Variants in DAB2IP observed in about 807,000 individuals in gnomAD.
DAB2IP encodes disabled homolog 2-interacting protein.
DAB2IP carries 28 observed loss-of-function variants against 107.2 expected under a neutral mutation model. The ratio of observed to expected loss-of-function variants is 0.26; its 90% confidence interval spans 0.19 to 0.36. DAB2IP has a LOEUF of 0.36. Ranked by LOEUF, DAB2IP falls within the 10% of genes least tolerant of loss-of-function variation. The pLI is 1.00. For missense variants in DAB2IP, 1,400 were observed against 1,644.7 expected (o/e 0.85, Z 2.57); for synonymous variants, 755 against 706.4 (o/e 1.07, Z -1.09).
In DAB2IP at chr9:121,736,385, C is replaced by A. The variant is rs1831915682; in HGVS notation, c.363-20628C>A. On this transcript the variant is annotated intron_variant, in intron 3 of 15. Coordinates refer to ENST00000408936, the Ensembl canonical transcript of DAB2IP. The surrounding 1 kb of genome is among the most constrained non-coding windows in gnomAD (Gnocchi z 4.6). ...TGGGGAAGGAGTTGCAAGGCAGAGA[C>A]CCCCGAACCCCTGCTCCAGGGCCTG... Among the ~76,000 whole-genome samples, 1 of 151,770 alleles carries A rather than the reference C, an allele frequency of 6.6e-6. No individual in the cohort carries two copies. Among genetic ancestry groups the A allele is most frequent in the African/African-American group, 2.4e-5 (1 of 41,020 alleles).
chr9:121,626,639 G>A (rs1831657594), intron 1 of DAB2IP, among the ~76,000 whole-genome samples: 1 of 151,818 alleles, frequency 6.6e-6, no homozygotes. Flanking sequence ...GGCTAGGCTG[G>A]TCTCAAACTC....
chr9:121,783,145 C>T, exon 16 of DAB2IP: 1 of 681,202 alleles, frequency 1.5e-6, no homozygotes, highest in South Asian at 4.8e-5. Flanking sequence ...CCCCTCTGAA[C>T]CTGTCCCCAG....
intron 3 of DAB2IP, among the ~76,000 whole-genome samples, chr9:121,709,960 T>C (rs1830256143): frequency 6.6e-6 from 1 of 152,218 alleles, no homozygotes; most frequent in African/African-American, 2.4e-5. Context: ...CCCTGCTCTC[T>C]ACACTTCACT....
At chr9:121,745,400 A>T (rs1312645667) in intron 3 of DAB2IP, among the ~76,000 whole-genome samples, 1 of 152,150 alleles carries the variant, frequency 6.6e-6, no homozygotes. Flanking sequence ...CCTGTGGCTT[A>T]CTGAGAGCCA....
At chr9:121,603,992 G>A (rs1212056544) in intron 1 of DAB2IP, among the ~76,000 whole-genome samples, 1 of 152,130 alleles carries the variant, frequency 6.6e-6, no homozygotes, top group African/African-American at 2.4e-5. Context: ...GGGCAGTCCA[G>A]AGGGGGACAG....
Position 121,581,773 on chromosome 9 carries a change from C to T in DAB2IP, c.40+14545C>T, listed in dbSNP as rs370490842. ...CAAGGAGGCTGGGGTCTCTGCTCAC[C>T]TCAGCAGTCCCAGTAAAGTAGGCAG... On this transcript the variant is annotated intron_variant, in intron 1 of 16. Transcript: ENST00000259371. 1.2e-4 allele frequency among the ~76,000 whole-genome samples: 18 copies of T among 152,306 alleles called. No homozygotes were observed. The South Asian group carries it at 3.7e-3, about 32-fold the overall frequency.
intron 1 of DAB2IP, among the ~76,000 whole-genome samples, chr9:121,590,481 C>T (rs669128): frequency 0.61 from 91,988 of 151,776 alleles, 28,174 homozygotes; most frequent in Middle Eastern, 0.63. Context: ...ACAGATGGGG[C>T]TTGAGAACAG....
At chr9:121,709,365 A>G (rs1830221305) in intron 3 of DAB2IP, among the ~76,000 whole-genome samples, 1 of 151,770 alleles carries the variant, frequency 6.6e-6, no homozygotes, top group South Asian at 2.1e-4. Flanking sequence ...TGATAGCCCC[A>G]CCCACTGCCC....
At chr9:121,711,882 C>T (rs774915646) in intron 3 of DAB2IP, among the ~76,000 whole-genome samples, 16 of 152,096 alleles carry the variant, frequency 1.1e-4, no homozygotes, top group South Asian at 4.1e-4. Flanking sequence ...GGCTGGGTGG[C>T]GTCCATGTAC....
chr9:121,595,863 C>G (rs1055143612), intron 1 of DAB2IP, among the ~76,000 whole-genome samples: 1 of 152,112 alleles, frequency 6.6e-6, no homozygotes, highest in Non-Finnish European at 1.5e-5. Context: ...CCACCAGTCA[C>G]GTAGTTTGTG....
intron 1 of DAB2IP, among the ~76,000 whole-genome samples, chr9:121,577,398 G>A (rs1253894691): frequency 3.3e-5 from 5 of 152,236 alleles, no homozygotes; most frequent in Admixed American, 2.6e-4. Context: ...TACATTCCCA[G>A]GGCGCCTCTG....
rs899376832 is a variant in DAB2IP at position 121,776,809 on chromosome 9, C to T, written c.3314+418C>T. 6.6e-6 allele frequency among the ~76,000 whole-genome samples: 1 copy of T among 151,948 alleles called. No homozygotes were observed. Among genetic ancestry groups the T allele is most frequent in the African/African-American group, 2.4e-5 (1 of 41,348 alleles). ...TAGTAGATGAAGGTGGAAGACACAG[C>T]GTAGCCCCCAGATTCCTACCAAGAG... On this transcript the variant is annotated intron_variant, in intron 14 of 15. Coordinates refer to ENST00000408936, the Ensembl canonical transcript of DAB2IP. This position sits in a 1 kb window ranked among gnomAD's most constrained non-coding sequence, Gnocchi z 5.4.
intron 1 of DAB2IP, among the ~76,000 whole-genome samples, chr9:121,664,181 A>G (rs1466545866): frequency 6.6e-6 from 1 of 152,224 alleles, no homozygotes; most frequent in East Asian, 1.9e-4. Context: ...ACTGTTTTTG[A>G]AAATCAATTG....
At chr9:121,607,030 C>T (rs1245174671) in intron 1 of DAB2IP, among the ~76,000 whole-genome samples, 1 of 152,148 alleles carries the variant, frequency 6.6e-6, no homozygotes, top group Non-Finnish European at 1.5e-5. Context: ...CCACCTGGGC[C>T]TCCCAAAGTG....
exon 13 of DAB2IP, chr9:121,774,351 G>GCCCAGA: frequency 6.2e-7 from 1 of 1,613,170 alleles, no homozygotes. Flanking sequence ...GAGGGCCTGG[G>GCCCAGA]CCCAGACCCC....
intron 3 of DAB2IP, among the ~76,000 whole-genome samples, chr9:121,728,824 G>T (rs1264383918): frequency 6.6e-6 from 1 of 151,772 alleles, no homozygotes; most frequent in Non-Finnish European, 1.5e-5. Flanking sequence ...TGGGGAGGGG[G>T]GGACAGCCAG....
rs1830607888 is a variant in DAB2IP, at chr9:121,599,266, G to A, written c.40+32038G>A. Among the ~76,000 whole-genome samples the A allele has an allele frequency of 6.6e-6, 1 of 152,170 alleles. No homozygotes were observed. The highest frequency in any genetic ancestry group is 2.4e-5 in the African/African-American group (1 of 41,472). On this transcript the variant is annotated intron_variant, in intron 1 of 16. Coordinates refer to the DAB2IP transcript ENST00000259371. The surrounding 1 kb of genome is among the most constrained non-coding windows in gnomAD (Gnocchi z 6.9). ...ATCTCTGGACTCCTGGAGGCCTGGG[G>A]ACTCCGGGAGGGGAGGGGGCGTGTG...
At chr9:121,777,612 A>C (rs1366827120) in intron 14 of DAB2IP, among the ~76,000 whole-genome samples, 1 of 152,196 alleles carries the variant, frequency 6.6e-6, no homozygotes, top group South Asian at 2.1e-4. Context: ...CCTTAATGTA[A>C]ATGTCAGTTA....
At position 121,781,731 on chromosome 9, in the gene DAB2IP, G is replaced by T. The variant is rs138779089; in HGVS notation, c.3402+180G>T. On this transcript the variant is annotated intron_variant, in intron 15 of 15. Transcript: ENST00000408936. ...GTGGGCCACAAGCTCACTAGGACAG[G>T]CTGTGAAAGGAGAGAGGCAGCTCCT... Among the ~76,000 whole-genome samples, 257 of 152,158 alleles carry T rather than the reference G, an allele frequency of 1.7e-3. 4 individuals carry two copies. The highest frequency in any genetic ancestry group is 6.0e-3 in the African/African-American group (247 of 41,418).
Sources: allele counts gnomAD v4.1 joint callset (sites outside exome capture counted in the v4.1 genomes callset), GRCh38; gene constraint gnomAD v4.1.1; non-coding constraint Gnocchi (gnomAD v3.1); transcripts MANE v1.5; gene names NCBI Gene and HGNC (gene_info 2026-07-23, HGNC 2026-07-21).